Variants in PCDH15 observed in about 807,000 individuals in gnomAD.
PCDH15 encodes the protein protocadherin-15.
Under a neutral mutation model 178.5 loss-of-function variants are expected in PCDH15, and 129 were observed. The ratio of observed to expected loss-of-function variants is 0.72; its 90% CI spans 0.63 to 0.84. PCDH15 has a LOEUF of 0.84. Ranked by LOEUF, PCDH15 falls within the 40% of genes least tolerant of loss-of-function variation. The pLI is 0.00. For synonymous variants in PCDH15, 800 were observed against 732.0 expected, an observed-to-expected ratio of 1.09 and a Z score of -1.50; for missense variants, 2,230 against 2,099.9, an observed-to-expected ratio of 1.06 and a Z score of -1.21.
At chr10:54,677,598 A>G (rs995395317) in intron 1 of PCDH15, among the ~76,000 whole-genome samples, 1 of 152,136 alleles carries the variant, frequency 6.6e-6, no homozygotes, top group East Asian at 1.9e-4. Flanking sequence ...TAAATAATTA[A>G]AGCTGATTGA....
Position 55,071,955 on chromosome 10 carries a change from G to A in PCDH15, c.-80+94621C>T, listed in dbSNP as rs142737421. ...AGGATTAAGAAACTGACTTAAAACC[G>A]CTCAACTACATGGAAACTGAACAAC... is the stretch of plus-strand genomic sequence containing the variant. On this transcript the variant is annotated intron_variant, in intron 2 of 5. Transcript: ENST00000458638. 4.2e-3 allele frequency among the ~76,000 whole-genome samples: 635 copies of A among 152,052 alleles called. 4 individuals are homozygous for A. Among genetic ancestry groups the A allele is most frequent in the African/African-American group, 0.012 (497 of 41,492 alleles).
chr10:55,625,854 A>C (rs1176352878), intron 2 of PCDH15, among the ~76,000 whole-genome samples: 2 of 152,082 alleles, frequency 1.3e-5, no homozygotes, highest in Non-Finnish European at 2.9e-5. Flanking sequence ...CTCCTTAAGT[A>C]CTGTCCATCT....
chr10:54,186,790 T>C (rs1234459364), intron 11 of PCDH15, among the ~76,000 whole-genome samples: 1 of 151,982 alleles, frequency 6.6e-6, no homozygotes, highest in Non-Finnish European at 1.5e-5. Flanking sequence ...CTCAGATAAC[T>C]AGAAAGCGGG....
intron 5 of PCDH15, among the ~76,000 whole-genome samples, chr10:54,353,430 G>A (rs939706069): frequency 5.3e-5 from 8 of 152,032 alleles, no homozygotes; most frequent in Admixed American, 2.6e-4. Flanking sequence ...TAAATATTCA[G>A]TATGTTGAGT....
At chr10:54,539,489 T>A (rs1012517832) in intron 2 of PCDH15, among the ~76,000 whole-genome samples, 7 of 152,142 alleles carry the variant, frequency 4.6e-5, no homozygotes, top group Non-Finnish European at 8.8e-5. Flanking sequence ...AACAAGGACT[T>A]CTAAACCTAC....
chr10:55,227,723 G>A (rs1365294413), intron 1 of PCDH15, among the ~76,000 whole-genome samples: 1 of 152,008 alleles, frequency 6.6e-6, no homozygotes, highest in African/African-American at 2.4e-5. Context: ...ATCGTACTTT[G>A]CTCAGCTATC....
intron 14 of PCDH15, among the ~76,000 whole-genome samples, chr10:54,137,942 A>G (rs1045832440): frequency 1.3e-5 from 2 of 151,756 alleles, no homozygotes; most frequent in African/African-American, 4.8e-5. Flanking sequence ...TGCTCACCCA[A>G]TTTTCACTGG....
intron 9 of PCDH15, among the ~76,000 whole-genome samples, chr10:54,232,438 T>G (rs898923599): frequency 6.6e-5 from 10 of 152,224 alleles, no homozygotes; most frequent in Non-Finnish European, 1.2e-4. Context: ...TTTATAGCAG[T>G]GCAAGAACAG....
At chr10:55,220,464 T>G (rs1383196113) in intron 1 of PCDH15, among the ~76,000 whole-genome samples, 1 of 152,040 alleles carries the variant, frequency 6.6e-6, no homozygotes, top group Non-Finnish European at 1.5e-5. Context: ...TTCTGAGAAA[T>G]GCATTTTTAG....
intron 2 of PCDH15, among the ~76,000 whole-genome samples, chr10:55,342,610 T>C (rs1014209766): frequency 3.3e-5 from 5 of 152,064 alleles, no homozygotes; most frequent in African/African-American, 7.2e-5. Context: ...GTGCCTGTGG[T>C]TGTTTTAAAT....
chr10:55,270,109 C>A (rs1018375855), intron 1 of PCDH15, among the ~76,000 whole-genome samples: 2 of 152,036 alleles, frequency 1.3e-5, no homozygotes, highest in East Asian at 1.9e-4. Flanking sequence ...GACCCCTTAC[C>A]TTTTACCATA....
At chr10:54,781,547 T>C (rs946941555) in intron 1 of PCDH15, among the ~76,000 whole-genome samples, 1 of 152,152 alleles carries the variant, frequency 6.6e-6, no homozygotes, top group African/African-American at 2.4e-5. Context: ...CTACAACTGA[T>C]GAAAAGCTAG....
chr10:54,183,044 T>C (rs2048143984), intron 13 of PCDH15, among the ~76,000 whole-genome samples: 1 of 152,000 alleles, frequency 6.6e-6, no homozygotes, highest in Non-Finnish European at 1.5e-5. Flanking sequence ...TGTGATGGCA[T>C]GATCTCAGCT....
chr10:54,995,305 G>T (rs1303823977), intron 2 of PCDH15, among the ~76,000 whole-genome samples: 2 of 150,272 alleles, frequency 1.3e-5, no homozygotes, highest in Non-Finnish European at 2.9e-5. Context: ...GAACCCGGGA[G>T]TCGGAGTTTG....
chr10:55,421,724 G>T (rs1243547182), intron 2 of PCDH15, among the ~76,000 whole-genome samples: 1 of 151,474 alleles, frequency 6.6e-6, no homozygotes, highest in East Asian at 1.9e-4. Flanking sequence ...ATATTTACTA[G>T]AGATGATTTG....
chr10:54,826,594 C>G (rs1011142267), intron 3 of PCDH15, among the ~76,000 whole-genome samples: 2 of 151,676 alleles, frequency 1.3e-5, no homozygotes, highest in Admixed American at 6.6e-5. Context: ...GTTGGAAAAT[C>G]TAATTCGACT....
Position 54,401,297 on chromosome 10 carries a change from T to C in PCDH15, c.158-22355A>G, listed in dbSNP as rs543443894. Among the ~76,000 whole-genome samples the C allele has an allele frequency of 5.9e-5, 9 of 151,916 alleles. No homozygotes were observed. The East Asian group carries it at 1.7e-3, about 29-fold the overall frequency. Reference sequence around the variant, plus strand: ...TTCAATATCACCTACACAGAAAAACTGTATATGACTTTTGGAAAAAAAATG... The same window carrying C: ...TTCAATATCACCTACACAGAAAAACCGTATATGACTTTTGGAAAAAAAATG... On this transcript the variant is annotated intron_variant, in intron 3 of 37. Coordinates refer to ENST00000644397, the MANE Select transcript of PCDH15 (RefSeq NM_001384140.1).
intron 1 of PCDH15, among the ~76,000 whole-genome samples, chr10:55,210,971 C>T (rs185501248): frequency 1.6e-4 from 25 of 152,072 alleles, no homozygotes; most frequent in Admixed American, 5.9e-4. Context: ...GTCCCTCTCC[C>T]TGTAACCCCC....
intron 2 of PCDH15, among the ~76,000 whole-genome samples, chr10:54,565,298 C>G (rs1181434544): frequency 6.6e-6 from 1 of 152,148 alleles, no homozygotes; most frequent in East Asian, 1.9e-4. Flanking sequence ...ACTGTGATCC[C>G]TTCTCCTGAC....
Sources: gnomAD v4.1 joint callset for allele counts (sites outside exome capture counted in the v4.1 genomes callset) on GRCh38, gnomAD v4.1.1 for gene constraint, MANE v1.5 for transcripts, NCBI Gene and HGNC (gene_info 2026-07-23, HGNC 2026-07-21) for gene names.